The following TRMT11 variants were observed in gnomAD, a reference collection of about 807,000 sequenced individuals.
The protein encoded by TRMT11 is tRNA methyltransferase 11.
In TRMT11, 53 loss-of-function variants were observed where a neutral mutation model predicts 62.8. That is an observed-to-expected ratio of 0.84 (90% CI 0.68 to 1.06). TRMT11 has a LOEUF of 1.06. Ranked by LOEUF, TRMT11 falls within the 50% of genes least tolerant of loss-of-function variation. TRMT11 has a pLI of 0.00. For missense variants in TRMT11, 556 were observed against 553.4 expected, an observed-to-expected ratio of 1.00 and a Z score of -0.05; for synonymous variants, 188 against 190.3, an observed-to-expected ratio of 0.99 and a Z score of 0.10.
At chr6:126,207,895 T>C (rs1214066386), downstream of TRMT11, among the ~76,000 whole-genome samples, 2 of 152,110 alleles carry the variant, frequency 1.3e-5, no homozygotes, top group Admixed American at 6.5e-5. Flanking sequence ...AGACATTGAT[T>C]AAAGAAATAG....
At chr6:126,187,511 A>T (rs946332504) in intron 1 of TRMT11, among the ~76,000 whole-genome samples, 2 of 152,038 alleles carry the variant, frequency 1.3e-5, no homozygotes, top group Non-Finnish European at 2.9e-5. Flanking sequence ...TAGACTCAGT[A>T]TTGTTAAGAA....
At chr6:126,125,269 T>C (rs1415910391) in intron 21 of TRMT11, among the ~76,000 whole-genome samples, 2 of 152,082 alleles carry the variant, frequency 1.3e-5, no homozygotes, top group East Asian at 1.9e-4. Flanking sequence ...TTTCCTCTTA[T>C]ATGAAGAAAT....
intron 17 of TRMT11, among the ~76,000 whole-genome samples, chr6:126,089,355 G>A (rs752528614): frequency 2.0e-5 from 3 of 152,064 alleles, no homozygotes; most frequent in East Asian, 1.9e-4. Context: ...CTCGGGATCC[G>A]CCTGTCTCGG....
At chr6:126,158,236 C>G (rs905469009) in intron 21 of TRMT11, among the ~76,000 whole-genome samples, 6 of 152,264 alleles carry the variant, frequency 3.9e-5, no homozygotes, top group Non-Finnish European at 5.9e-5. Flanking sequence ...TATGGTTCTT[C>G]TCTCTACCTC....
chr6:126,082,858 T>C (rs1238038496), intron 17 of TRMT11, among the ~76,000 whole-genome samples: 3 of 152,106 alleles, frequency 2.0e-5, no homozygotes, highest in Non-Finnish European at 4.4e-5. Context: ...TGAAAAATTA[T>C]AGTTAAAAAT....
chr6:126,147,842 A>G (rs1754810810), intron 21 of TRMT11, among the ~76,000 whole-genome samples: 1 of 151,994 alleles, frequency 6.6e-6, no homozygotes, highest in African/African-American at 2.4e-5. Flanking sequence ...TGGGAGTTGA[A>G]CAATGAGAAC....
chr6:126,110,689 C>T (rs1323265325), intron 17 of TRMT11, among the ~76,000 whole-genome samples: 1 of 151,960 alleles, frequency 6.6e-6, no homozygotes. Context: ...TGTGTGTGTG[C>T]ATGTGCGTGC....
In TRMT11 at chr6:126,002,043, T is replaced by C. The variant is rs531922528; in HGVS notation, c.679+2430T>C. ...CTTTGTGACATGTTCCTATCCTTTT[T>C]TCTTTGGAGTACTTCCTTACTTTCT... is the stretch of plus-strand genomic sequence containing the variant. On this transcript the variant is annotated intron_variant, in intron 7 of 12. Transcript: ENST00000334379. Among the ~76,000 whole-genome samples, 11 of 152,284 alleles carry C rather than the reference T, an allele frequency of 7.2e-5. No individual in the cohort carries two copies. The South Asian group carries it at 1.2e-3, about 17-fold the overall frequency.
intron 17 of TRMT11, among the ~76,000 whole-genome samples, chr6:126,105,120 A>G (rs941786666): frequency 3.3e-5 from 5 of 152,182 alleles, no homozygotes; most frequent in African/African-American, 1.2e-4. Context: ...TTTTATTGTG[A>G]AAAATTAGGA....
chr6:126,225,849 C>T, the TRMT11 span, among the ~76,000 whole-genome samples: 1 of 151,772 alleles, frequency 6.6e-6, no homozygotes, highest in South Asian at 2.1e-4. Context: ...ACCATCACCC[C>T]CAGCTAATTT....
chr6:126,062,303 A>G (rs913128786), intron 17 of TRMT11, among the ~76,000 whole-genome samples: 1 of 152,198 alleles, frequency 6.6e-6, no homozygotes, highest in Non-Finnish European at 1.5e-5. Context: ...AAAAATACCA[A>G]TTTTGTTCTT....
At chr6:126,012,513 G>T (rs990218586) in intron 9 of TRMT11, among the ~76,000 whole-genome samples, 1 of 152,148 alleles carries the variant, frequency 6.6e-6, no homozygotes, top group African/African-American at 2.4e-5. Flanking sequence ...ATTGCATTTC[G>T]TAATGATATC....
intron 21 of TRMT11, among the ~76,000 whole-genome samples, chr6:126,165,949 A>G (rs1778256384): frequency 6.6e-6 from 1 of 152,098 alleles, no homozygotes; most frequent in African/African-American, 2.4e-5. Flanking sequence ...CTTTTCACAT[A>G]GTCCCATATT....
the TRMT11 span, among the ~76,000 whole-genome samples, chr6:126,230,004 TCA>T: frequency 2.0e-5 from 3 of 152,124 alleles, no homozygotes; most frequent in African/African-American, 7.2e-5. Flanking sequence ...TGAGGGAACA[TCA>T]CTATGTTCAT....
chr6:126,172,124 T>TA (rs1273666782), intron 21 of TRMT11, among the ~76,000 whole-genome samples: 26 of 152,132 alleles, frequency 1.7e-4, no homozygotes, highest in African/African-American at 6.3e-4. Context: ...TGATCAAAAT[T>TA]TAAAAAAAAA....
chr6:126,001,613 T>C (rs1279475225), intron 7 of TRMT11, among the ~76,000 whole-genome samples: 1 of 152,112 alleles, frequency 6.6e-6, no homozygotes, highest in African/African-American at 2.4e-5. Context: ...TTTTATTTTA[T>C]TTTATTTTTT....
downstream of TRMT11, among the ~76,000 whole-genome samples, chr6:126,203,038 A>C (rs976961267): frequency 1.3e-5 from 2 of 152,218 alleles, no homozygotes; most frequent in African/African-American, 4.8e-5. Context: ...AATTTCTGAG[A>C]AATAAAGCAG....
chr6:126,115,273 C>T (rs183025743), intron 19 of TRMT11, among the ~76,000 whole-genome samples: 5 of 152,224 alleles, frequency 3.3e-5, no homozygotes, highest in South Asian at 2.1e-4. Flanking sequence ...CACTATTATT[C>T]GTCTTCTCTG....
At chr6:126,220,703 G>C in the TRMT11 span, among the ~76,000 whole-genome samples, 1 of 151,924 alleles carries the variant, frequency 6.6e-6, no homozygotes, top group Non-Finnish European at 1.5e-5. Flanking sequence ...ATTTGGTCAA[G>C]TCTACATAGT....
Sources: allele counts gnomAD v4.1 joint callset (sites outside exome capture counted in the v4.1 genomes callset), GRCh38; gene constraint gnomAD v4.1.1; transcripts MANE v1.5; gene names NCBI Gene and HGNC (gene_info 2026-07-23, HGNC 2026-07-21).